Variants in NRG1 observed in about 807,000 individuals in gnomAD.
The protein encoded by NRG1 is neuregulin 1.
A neutral mutation model predicts 63.8 loss-of-function variants in NRG1; 18 were observed. The observed-to-expected ratio is 0.28, with a 90% CI of 0.19 to 0.42. NRG1 has a LOEUF of 0.42. NRG1 is among the 10% of genes least tolerant of loss of function. The pLI, the probability that NRG1 is intolerant of heterozygous loss-of-function variation, is 1.00. For missense variants in NRG1, 762 were observed against 814.7 expected (o/e 0.94, Z 0.79); for synonymous variants, 302 against 301.3 (o/e 1.00, Z -0.02).
intron 1 of NRG1, among the ~76,000 whole-genome samples, chr8:31,741,669 A>T (rs1170615728): frequency 6.6e-6 from 1 of 152,056 alleles, no homozygotes; most frequent in African/African-American, 2.4e-5. Context: ...TACTGAGATG[A>T]TCATTTATCA....
At chr8:32,411,240 C>T (rs946163320) in intron 1 of NRG1, among the ~76,000 whole-genome samples, 1 of 152,128 alleles carries the variant, frequency 6.6e-6, no homozygotes, top group African/African-American at 2.4e-5. Flanking sequence ...TCCAAGAGTT[C>T]ATACTTATTC....
chr8:32,535,318 T>C (rs928643430), intron 1 of NRG1, among the ~76,000 whole-genome samples: 1 of 152,318 alleles, frequency 6.6e-6, no homozygotes, highest in Admixed American at 6.5e-5. Flanking sequence ...AATGAATCCT[T>C]AGGCTGTGAT....
intron 1 of NRG1, among the ~76,000 whole-genome samples, chr8:32,557,094 C>A (rs544471343): frequency 1.3e-5 from 2 of 152,134 alleles, no homozygotes; most frequent in African/African-American, 4.8e-5. Flanking sequence ...CAAGCTCCCC[C>A]CACTGGGTTC....
intron 1 of NRG1, among the ~76,000 whole-genome samples, chr8:32,208,043 G>T (rs936565450): frequency 6.6e-6 from 1 of 152,122 alleles, no homozygotes; most frequent in Non-Finnish European, 1.5e-5. Context: ...TTACACAAAG[G>T]TTAATGCACG....
At chr8:32,388,070 A>T (rs1042913033) in intron 1 of NRG1, among the ~76,000 whole-genome samples, 3 of 152,220 alleles carry the variant, frequency 2.0e-5, no homozygotes, top group Non-Finnish European at 2.9e-5. Flanking sequence ...GAGCAACATG[A>T]AATGAAATTT....
intron 1 of NRG1, among the ~76,000 whole-genome samples, chr8:32,342,529 G>A (rs573314643): frequency 6.6e-6 from 1 of 152,286 alleles, no homozygotes; most frequent in African/African-American, 2.4e-5. Context: ...AGTTTTCACA[G>A]CTGATAAGGG....
At chr8:32,317,150 G>T (rs1857495511) in intron 1 of NRG1, among the ~76,000 whole-genome samples, 1 of 152,162 alleles carries the variant, frequency 6.6e-6, no homozygotes, top group Non-Finnish European at 1.5e-5. Flanking sequence ...GGAATGATGA[G>T]TCTCCCCTCT....
At chr8:31,735,748 A>C (rs117081941) in intron 1 of NRG1, among the ~76,000 whole-genome samples, 4 of 152,166 alleles carry the variant, frequency 2.6e-5, no homozygotes, top group African/African-American at 9.7e-5. Context: ...ACTGCTGCTC[A>C]CTCGCTAATT....
chr8:32,280,756 ATTTTTTTTTTTTTTTTTTTTTTTG>A, intron 1 of NRG1, among the ~76,000 whole-genome samples: 1 of 31,882 alleles, frequency 3.1e-5, no homozygotes, highest in South Asian at 2.7e-3. Flanking sequence ...TTGTCCTTTC[ATTTTTTTTTTTTTTTTTTTTTTTG>A]AGACAGAGTC....
At chr8:32,647,709 G>C in intron 5 of NRG1, 1 of 1,544,012 alleles carries the variant, frequency 6.5e-7, no homozygotes, top group Non-Finnish European at 8.7e-7. Context: ...TTCTTCTGGA[G>C]GTGAGCCGAT....
At chr8:32,420,447 C>T (rs1362646300) in intron 1 of NRG1, among the ~76,000 whole-genome samples, 2 of 152,072 alleles carry the variant, frequency 1.3e-5, no homozygotes, top group African/African-American at 4.8e-5. Context: ...AAGCTCTGGG[C>T]TCAACATCGA....
At chr8:32,546,808 A>C (rs908417299), upstream of NRG1, among the ~76,000 whole-genome samples, 4 of 152,254 alleles carry the variant, frequency 2.6e-5, no homozygotes, top group African/African-American at 9.6e-5. Context: ...AAATTAAACT[A>C]GAATAAAATT....
At chr8:32,629,006 T>G (rs1849792764) in intron 5 of NRG1, among the ~76,000 whole-genome samples, 1 of 152,174 alleles carries the variant, frequency 6.6e-6, no homozygotes, top group Non-Finnish European at 1.5e-5. Context: ...AGGGCTGGTA[T>G]TACAGGCATG....
intron 1 of NRG1, among the ~76,000 whole-genome samples, chr8:32,001,230 A>G (rs1812869142): frequency 6.6e-6 from 1 of 152,036 alleles, no homozygotes. Context: ...CCCACATATC[A>G]TGGGAGGGAC....
intron 1 of NRG1, among the ~76,000 whole-genome samples, chr8:32,553,803 G>A (rs1235079660): frequency 6.6e-6 from 1 of 152,118 alleles, no homozygotes; most frequent in Admixed American, 6.5e-5. Context: ...ATAGAATTGA[G>A]TGCAGGTGTT....
chr8:32,736,659 A>G (rs1237537007), intron 6 of NRG1, among the ~76,000 whole-genome samples: 1 of 152,236 alleles, frequency 6.6e-6, no homozygotes, highest in Non-Finnish European at 1.5e-5. Context: ...AAATTGTCCA[A>G]ATATTTCACT....
chr8:32,345,247 A>C (rs902377543), intron 1 of NRG1, among the ~76,000 whole-genome samples: 19 of 152,146 alleles, frequency 1.2e-4, no homozygotes, highest in Admixed American at 6.5e-5. Flanking sequence ...GATTTGAGGG[A>C]GTAATCAGGT....
intron 1 of NRG1, among the ~76,000 whole-genome samples, chr8:31,774,493 A>G (rs1391055869): frequency 6.6e-6 from 1 of 152,146 alleles, no homozygotes; most frequent in Non-Finnish European, 1.5e-5. Flanking sequence ...TTTTTGATTA[A>G]TAGTCTTTGA....
intron 1 of NRG1, among the ~76,000 whole-genome samples, chr8:32,385,850 A>T (rs1996565): frequency 0.91 from 137,819 of 152,072 alleles, 63,171 homozygotes; most frequent in Non-Finnish European, 0.95. Context: ...TGTTTACTGA[A>T]GAAATTAGCT....
Sources: allele counts gnomAD v4.1 joint callset (sites outside exome capture counted in the v4.1 genomes callset), GRCh38; gene constraint gnomAD v4.1.1; transcripts MANE v1.5; gene names NCBI Gene and HGNC (gene_info 2026-07-23, HGNC 2026-07-21).